Variants in PRKCE observed in about 807,000 individuals in gnomAD.
PRKCE encodes protein kinase C epsilon.
In PRKCE, 16 loss-of-function variants were observed where a neutral mutation model predicts 85.4. The ratio of observed to expected loss-of-function variants is 0.19; its 90% CI spans 0.13 to 0.28. The LOEUF (loss-of-function observed/expected upper bound fraction) is 0.28. PRKCE is among the 10% of genes least tolerant of loss of function. PRKCE has a pLI of 1.00. For synonymous variants in PRKCE, 388 were observed against 371.5 expected, an observed-to-expected ratio of 1.04 and a Z score of -0.51; for missense variants, 573 against 975.2, an observed-to-expected ratio of 0.59 and a Z score of 5.49.
At chr2:45,976,091 G>C (rs1424834958) in intron 2 of PRKCE, among the ~76,000 whole-genome samples, 4 of 152,176 alleles carry the variant, frequency 2.6e-5, no homozygotes, top group Non-Finnish European at 5.9e-5. Flanking sequence ...GCAGTAAGAT[G>C]CGAACCTTGA....
intron 1 of PRKCE, among the ~76,000 whole-genome samples, chr2:45,680,337 A>G (rs2103925921): frequency 6.6e-6 from 1 of 152,360 alleles, no homozygotes; most frequent in South Asian, 2.1e-4. Flanking sequence ...ATAAGCATAC[A>G]ACCGCTCTGT....
chr2:46,027,914 A>C (rs7607941), intron 10 of PRKCE, among the ~76,000 whole-genome samples: 1 of 151,420 alleles, frequency 6.6e-6, no homozygotes. Context: ...ACCCTGGGGG[A>C]CCTCCCTCTT....
chr2:45,671,362 G>A (rs184954684), intron 1 of PRKCE, among the ~76,000 whole-genome samples: 39 of 152,300 alleles, frequency 2.6e-4, no homozygotes, highest in Middle Eastern at 3.4e-3. Flanking sequence ...TAGGACAAAG[G>A]TTTTTTACTG....
intron 2 of PRKCE, among the ~76,000 whole-genome samples, chr2:45,939,080 G>A (rs1033015444): frequency 6.6e-6 from 1 of 152,124 alleles, no homozygotes; most frequent in Non-Finnish European, 1.5e-5. Context: ...GGAGGTGCCG[G>A]GCTATAAATC....
At chr2:45,764,259 C>G (rs1204958814) in intron 1 of PRKCE, among the ~76,000 whole-genome samples, 1 of 152,158 alleles carries the variant, frequency 6.6e-6, no homozygotes, top group African/African-American at 2.4e-5. Flanking sequence ...AATATTGGCC[C>G]ATTTAAGTTA....
chr2:45,916,809 C>G (rs1310771442), intron 2 of PRKCE, among the ~76,000 whole-genome samples: 2 of 152,118 alleles, frequency 1.3e-5, no homozygotes, highest in Admixed American at 1.3e-4. Context: ...AGCCGTGGAC[C>G]CTCACGCTGA....
At chr2:45,882,319 G>C (rs893743095) in intron 2 of PRKCE, among the ~76,000 whole-genome samples, 3 of 152,188 alleles carry the variant, frequency 2.0e-5, no homozygotes, top group Non-Finnish European at 4.4e-5. Flanking sequence ...CGTATCTCTT[G>C]TAGCCATGTA....
rs887322419 is a variant in PRKCE, at chr2:46,145,675, C to T, written c.1731+444C>T. ...TTGAGCCCAGGAGTTCAAGACCAGC[C>T]GGGGCAACATGGTGAAACCCTGTCT... is the stretch of plus-strand genomic sequence containing the variant. On this transcript the variant is annotated intron_variant, in intron 12 of 14. Coordinates refer to ENST00000306156, the MANE Select transcript of PRKCE (RefSeq NM_005400.3). This position sits in a 1 kb window ranked among gnomAD's most constrained non-coding sequence, Gnocchi z 4.6. 6.6e-6 allele frequency among the ~76,000 whole-genome samples: 1 copy of T among 152,088 alleles called. No individual in the cohort carries two copies.
Position 45,838,458 on chromosome 2 carries a change from C to T in PRKCE, c.349-4542C>T, listed in dbSNP as rs115436029. On this transcript the variant is annotated intron_variant, in intron 1 of 14. Transcript: ENST00000306156. Reference sequence around the variant, plus strand: ...TAATGCAGGTAAGGTGCCAACATGGCGTCAGAGGCACAGTAGGTGTCATTG... The same window carrying T: ...TAATGCAGGTAAGGTGCCAACATGGTGTCAGAGGCACAGTAGGTGTCATTG... Among the ~76,000 whole-genome samples, 1,015 of 152,274 alleles carry T rather than the reference C, an allele frequency of 6.7e-3. 13 individuals are homozygous for T. Among genetic ancestry groups the T allele is most frequent in the African/African-American group, 0.024 (977 of 41,542 alleles).
chr2:45,778,078 T>G (rs1685893072), intron 1 of PRKCE, among the ~76,000 whole-genome samples: 1 of 142,040 alleles, frequency 7.0e-6, no homozygotes, highest in African/African-American at 2.6e-5. Context: ...GGGCTTCATT[T>G]TCCTCATTGG....
intron 2 of PRKCE, among the ~76,000 whole-genome samples, chr2:45,856,075 TTA>T (rs1408212569): frequency 6.6e-6 from 1 of 152,142 alleles, no homozygotes; most frequent in East Asian, 1.9e-4. Flanking sequence ...AAAAATTTTT[TTA>T]AAAAATTATA....
chr2:45,707,845 CT>C (rs1419489867), intron 1 of PRKCE, among the ~76,000 whole-genome samples: 2 of 152,256 alleles, frequency 1.3e-5, no homozygotes, highest in African/African-American at 2.4e-5. Flanking sequence ...CTGTCCCCTT[CT>C]CCTTAGTTCC....
intron 11 of PRKCE, among the ~76,000 whole-genome samples, chr2:46,111,900 T>C (rs543774296): frequency 1.3e-5 from 2 of 152,336 alleles, no homozygotes; most frequent in East Asian, 3.9e-4. Flanking sequence ...TTTCCAAAAA[T>C]GGCTGTACCA....
intron 10 of PRKCE, among the ~76,000 whole-genome samples, chr2:46,035,627 C>A (rs1408753336): frequency 6.6e-6 from 1 of 152,116 alleles, no homozygotes; most frequent in Non-Finnish European, 1.5e-5. Context: ...GAACATTTGT[C>A]ATGTATTTGG....
At chr2:45,794,845 A>AACCCC (rs1687296127) in intron 1 of PRKCE, among the ~76,000 whole-genome samples, 1 of 122,572 alleles carries the variant, frequency 8.2e-6, no homozygotes, top group Non-Finnish European at 1.7e-5. Flanking sequence ...TTATTGCCCT[A>AACCCC]CCCCCCCCCC....
intron 1 of PRKCE, among the ~76,000 whole-genome samples, chr2:45,741,783 A>G (rs1009085709): frequency 5.3e-5 from 8 of 152,176 alleles, no homozygotes; most frequent in Non-Finnish European, 2.9e-5. Context: ...CAGCATGACC[A>G]CTGGGTGACC....
At chr2:45,661,669 C>T (rs1227124159) in intron 1 of PRKCE, among the ~76,000 whole-genome samples, 2 of 149,608 alleles carry the variant, frequency 1.3e-5, no homozygotes, top group Non-Finnish European at 1.5e-5. Flanking sequence ...GCTGGGACTA[C>T]AGGTGCCCGC....
rs549720747 is a variant in PRKCE, at chr2:46,012,216, A to G, written c.1437+1699A>G. On this transcript the variant is annotated intron_variant, in intron 10 of 14. Transcript: ENST00000306156. Reference sequence around the variant, plus strand: ...TCACAGGGCCTCACACTTGACAGGTACCCACGGACAGAATCAAAGACTTGG... The same window carrying G: ...TCACAGGGCCTCACACTTGACAGGTGCCCACGGACAGAATCAAAGACTTGG... Among the ~76,000 whole-genome samples the G allele has an allele frequency of 3.2e-4, 49 of 152,214 alleles. 1 individual carries two copies. Among genetic ancestry groups the G allele is most frequent in the African/African-American group, 1.1e-3 (47 of 41,526 alleles).
chr2:45,729,549 A>C (rs1367947222), intron 1 of PRKCE, among the ~76,000 whole-genome samples: 1 of 152,058 alleles, frequency 6.6e-6, no homozygotes, highest in East Asian at 1.9e-4. Context: ...GGATATTTTT[A>C]GGCCCCAGTG....
Sources: allele counts gnomAD v4.1 joint callset (sites outside exome capture counted in the v4.1 genomes callset), GRCh38; gene constraint gnomAD v4.1.1; non-coding constraint Gnocchi (gnomAD v3.1); transcripts MANE v1.5; gene names NCBI Gene and HGNC (gene_info 2026-07-23, HGNC 2026-07-21).